Variants in ST6GALNAC5 observed in about 807,000 individuals in gnomAD.
ST6GALNAC5 encodes the protein alpha-N-acetylgalactosaminide alpha-2,6-sialyltransferase 5.
A neutral mutation model predicts 33.6 loss-of-function variants in ST6GALNAC5; 27 were observed. The observed-to-expected ratio is 0.80, with a 90% CI of 0.59 to 1.11. ST6GALNAC5 has a LOEUF of 1.11. Among genes scored for constraint, ST6GALNAC5 ranks in the 50% least tolerant of loss-of-function variants. The pLI is 0.00. For missense variants in ST6GALNAC5, 428 were observed against 454.0 expected, an observed-to-expected ratio of 0.94 and a Z score of 0.52; for synonymous variants, 194 against 171.2, an observed-to-expected ratio of 1.13 and a Z score of -1.04.
At chr1:77,052,451 C>T (rs149273510) in intron 4 of ST6GALNAC5, among the ~76,000 whole-genome samples, 65 of 152,072 alleles carry the variant, frequency 4.3e-4, no homozygotes, top group African/African-American at 6.3e-4. Flanking sequence ...AATAAGAAGA[C>T]GAACAAGCAG....
In ST6GALNAC5 at chr1:76,918,786, G is replaced by A. The variant is rs575121533; in HGVS notation, c.261+50044G>A. On this transcript the variant is annotated intron_variant, in intron 2 of 4. Coordinates refer to ENST00000477717, the MANE Select transcript of ST6GALNAC5 (RefSeq NM_030965.3). The stretch of plus-strand genomic sequence containing the variant: ...CACAAATAACTCTTAAATGAACTGC[G>A]TCTGTTACACACACACAGGCACGCA... 9.9e-5 allele frequency among the ~76,000 whole-genome samples: 15 copies of A among 152,104 alleles called. No homozygotes were observed. The East Asian group carries it at 1.5e-3, about 16-fold the overall frequency.
intron 2 of ST6GALNAC5, among the ~76,000 whole-genome samples, chr1:76,941,400 G>T (rs1647332156): frequency 6.6e-6 from 1 of 151,996 alleles, no homozygotes; most frequent in Admixed American, 6.6e-5. Flanking sequence ...ATAGAGTTTT[G>T]CTTGAACCCC....
chr1:77,022,687 A>G (rs951042289), intron 2 of ST6GALNAC5, among the ~76,000 whole-genome samples: 1 of 152,218 alleles, frequency 6.6e-6, no homozygotes, highest in Non-Finnish European at 1.5e-5. Flanking sequence ...ACCCAGTTAT[A>G]TCCATTGTGA....
At chr1:77,027,955 A>G (rs1009699787) in intron 2 of ST6GALNAC5, among the ~76,000 whole-genome samples, 1 of 152,140 alleles carries the variant, frequency 6.6e-6, no homozygotes, top group Non-Finnish European at 1.5e-5. Context: ...CCTCCTGAGT[A>G]AGTCTTATTT....
intron 2 of ST6GALNAC5, among the ~76,000 whole-genome samples, chr1:77,012,686 A>C (rs2100425534): frequency 6.6e-6 from 1 of 152,344 alleles, no homozygotes; most frequent in Middle Eastern, 3.4e-3. Context: ...TTTTAGCTGA[A>C]GTTAAAGAAG....
chr1:76,986,030 G>A (rs2100388956), intron 2 of ST6GALNAC5, among the ~76,000 whole-genome samples: 1 of 152,286 alleles, frequency 6.6e-6, no homozygotes, highest in South Asian at 2.1e-4. Flanking sequence ...AGACTTAAAT[G>A]TTAGACCTAA....
chr1:77,062,900 T>C (rs1652629850), intron 4 of ST6GALNAC5, 75 bp from the exon 5 acceptor site: 15 of 1,038,460 alleles, frequency 1.4e-5, no homozygotes, highest in Non-Finnish European at 2.0e-5. Context: ...TTATTAAAGA[T>C]AACATCTTAC....
At chr1:76,940,198 G>T (rs1522613) in intron 2 of ST6GALNAC5, among the ~76,000 whole-genome samples, 2,000 of 152,156 alleles carry the variant, frequency 0.013, 45 homozygotes, top group African/African-American at 0.045. Context: ...TATGGCCGGG[G>T]CGAGCAGATA....
At chr1:76,979,023 G>C (rs932352015) in intron 2 of ST6GALNAC5, among the ~76,000 whole-genome samples, 3 of 151,810 alleles carry the variant, frequency 2.0e-5, no homozygotes, top group Non-Finnish European at 4.4e-5. Context: ...AATTTCATTT[G>C]CAATAGCTAA....
chr1:76,899,372 A>T (rs1646792852), intron 2 of ST6GALNAC5, among the ~76,000 whole-genome samples: 1 of 151,876 alleles, frequency 6.6e-6, no homozygotes, highest in African/African-American at 2.4e-5. Context: ...GGGTGTGGAA[A>T]TAAGGGGTTG....
intron 2 of ST6GALNAC5, among the ~76,000 whole-genome samples, chr1:76,891,941 A>G (rs1485754099): frequency 2.0e-5 from 3 of 152,206 alleles, no homozygotes; most frequent in African/African-American, 7.2e-5. Context: ...ACCAGGCATC[A>G]TATGTACTTA....
intron 2 of ST6GALNAC5, among the ~76,000 whole-genome samples, chr1:77,012,138 A>G (rs1650658059): frequency 6.6e-6 from 1 of 152,156 alleles, no homozygotes; most frequent in African/African-American, 2.4e-5. Context: ...TTGATTAGAG[A>G]GAGTTGCATC....
chr1:76,872,223 G>A (rs1653526243), intron 2 of ST6GALNAC5, among the ~76,000 whole-genome samples: 1 of 151,996 alleles, frequency 6.6e-6, no homozygotes, highest in South Asian at 2.1e-4. Flanking sequence ...ATCTCGTCTG[G>A]GTAGATGAGG....
intron 2 of ST6GALNAC5, among the ~76,000 whole-genome samples, chr1:76,997,406 A>G (rs560091315): frequency 6.6e-6 from 1 of 152,322 alleles, no homozygotes; most frequent in South Asian, 2.1e-4. Flanking sequence ...TATGGCAACA[A>G]TGAATGAGCC....
At chr1:76,949,555 A>C (rs543965900) in intron 2 of ST6GALNAC5, among the ~76,000 whole-genome samples, 53 of 152,176 alleles carry the variant, frequency 3.5e-4, no homozygotes, top group African/African-American at 1.3e-3. Context: ...CATGTGTAAA[A>C]TCAAATGTTT....
At position 76,868,844 on chromosome 1, in the gene ST6GALNAC5, C is replaced by A. The variant is rs1433517467; in HGVS notation, c.261+102C>A. 7.0e-7 allele frequency: 1 copy of A among 1,419,200 alleles called. No homozygotes were observed. The highest frequency in any genetic ancestry group is 1.5e-5 in the South Asian group (1 of 65,768). The allele number at this position is 1,419,200 out of a possible 1,614,324, so 87.9% of individuals were successfully genotyped here. ...GCTGGGAGGCGCTGTGAGTAGGTGC[C>A]GTTCGAAGGCTGGAGGGGAGTGGAC... is the stretch of plus-strand genomic sequence containing the variant. On this transcript the variant is annotated intron_variant, in intron 2 of 4. Coordinates refer to ENST00000477717, the MANE Select transcript of ST6GALNAC5 (RefSeq NM_030965.3). This position sits in a 1 kb window ranked among gnomAD's most constrained non-coding sequence, Gnocchi z 4.3.
chr1:76,909,103 C>G (rs576291743), intron 2 of ST6GALNAC5, among the ~76,000 whole-genome samples: 1 of 152,096 alleles, frequency 6.6e-6, no homozygotes, highest in African/African-American at 2.4e-5. Context: ...TCTCTCGGCA[C>G]TTTTCATTTT....
intron 2 of ST6GALNAC5, among the ~76,000 whole-genome samples, chr1:76,913,253 C>A (rs1163108074): frequency 2.0e-5 from 3 of 151,736 alleles, no homozygotes; most frequent in Non-Finnish European, 4.4e-5. Context: ...GGCCCCCACT[C>A]TCTTCTGGCT....
At position 76,991,839 on chromosome 1, in the gene ST6GALNAC5, GCACACACA is replaced by G. The variant is rs4032991; in HGVS notation, c.262-52346_262-52339del. On this transcript the variant is annotated intron_variant, in intron 2 of 4. Transcript: ENST00000477717. The stretch of plus-strand genomic sequence containing the variant: ...ACAACCTTCTAACTCACGCGTGTGC[GCACACACA>G]CACACACACACACACACAGACACCC... Among the ~76,000 whole-genome samples the G allele has an allele frequency of 8.6e-4, 129 of 149,454 alleles. 1 individual carries two copies. The highest frequency in any genetic ancestry group is 2.9e-3 in the African/African-American group (120 of 41,118).
Sources: gnomAD v4.1 joint callset for allele counts (sites outside exome capture counted in the v4.1 genomes callset) on GRCh38, gnomAD v4.1.1 for gene constraint, Gnocchi (gnomAD v3.1) non-coding constraint, MANE v1.5 for transcripts, NCBI Gene and HGNC (gene_info 2026-07-23, HGNC 2026-07-21) for gene names.